The following ZNF780A variants were observed in gnomAD, a reference collection of about 807,000 sequenced individuals.
The protein encoded by ZNF780A is zinc finger protein 780A.
Under a neutral mutation model 56.7 loss-of-function variants are expected in ZNF780A, and 40 were observed. That is an observed-to-expected ratio of 0.71 (90% CI 0.55 to 0.92). The LOEUF (loss-of-function observed/expected upper bound fraction) is 0.92. Ranked by LOEUF, ZNF780A falls within the 40% of genes least tolerant of loss-of-function variation. The pLI is 0.00. For missense variants in ZNF780A, 672 were observed against 783.3 expected (o/e 0.86, Z 1.70); for synonymous variants, 231 against 248.3 (o/e 0.93, Z 0.66).
rs751746111 is a variant in ZNF780A at position 40,075,363 on chromosome 19, G to T, written c.1079C>A (p.Pro360His). ...RHQKIHTGEKPFECRECGKAF... is the reference protein window; with the variant it reads ...RHQKIHTGEKHFECRECGKAF... ...CTTCCCACATTCCCTGCATTCAAAG[G>T]GTTTCTCACCAGTATGAATCTTCTG... is the stretch of plus-strand genomic sequence containing the variant. The change falls in exon 6 of 6, where the codon CCC becomes CAC. Residue 360 changes from proline (P) to histidine (H), a missense_variant. By Grantham distance (77) the Pro-to-His change is moderately conservative. Transcript: ENST00000683561. The T allele has an allele frequency of 3.7e-6, 6 of 1,613,908 alleles. No individual in the cohort carries two copies. Among genetic ancestry groups the T allele is most frequent in the Non-Finnish European group, 5.1e-6 (6 of 1,179,970 alleles).
Position 40,075,287 on chromosome 19 carries a change from A to G in ZNF780A, c.1155T>C (p.Gly385=). The G allele has an allele frequency of 6.2e-7, 1 of 1,613,608 alleles. No homozygotes were observed. The highest frequency in any genetic ancestry group is 1.3e-5 in the African/African-American group (1 of 74,870). ...ATTCCTTACATTCAAACGGTTTTTC[A>G]CCTGTGTGAATGTTCTTATGGCGAT... is the stretch of plus-strand genomic sequence containing the variant. ...QLNRHKNIHT[G]EKPFECKECG... Residue 385 remains glycine, a synonymous_variant, in exon 6 of 6, where the codon GGT becomes GGC. Transcript: ENST00000683561.
rs769103950 is a variant in ZNF780A, at chr19:40,075,095, T to C, written c.1347A>G (p.Glu449=). The C allele has an allele frequency of 3.1e-6, 5 of 1,614,026 alleles. No individual in the cohort carries two copies. The African/African-American group carries it at 4.0e-5, about 13-fold the overall frequency. The change falls in exon 6 of 6, where the codon GAA becomes GAG. Residue 449 remains glutamate, a synonymous_variant. Coordinates refer to ENST00000683561, the MANE Select transcript of ZNF780A (RefSeq NM_001142578.2). ...AATGATATCTAAAGGCCATCTCACA[T>C]TCCCTACATACAAAAGGTTTCTCAT... The part of the protein sequence containing the change: ...HSNEKPFVCR[E]CEMAFRYHCQ...
At chr19:40,084,878 T>C (rs1387317598) in intron 2 of ZNF780A, 80 bp from the exon 3 acceptor site, 13 of 1,479,238 alleles carry the variant, frequency 8.8e-6, no homozygotes, top group African/African-American at 1.4e-5. Context: ...TCCGTTCCTA[T>C]TTCTCAACTA....
Position 40,076,103 on chromosome 19 carries a change from A to T in ZNF780A, c.339T>A (p.Ile113=). The change falls in exon 6 of 6, where the codon ATT becomes ATA. Residue 113 remains isoleucine (I), a synonymous_variant. Coordinates refer to ENST00000683561, the MANE Select transcript of ZNF780A (RefSeq NM_001142578.2). ...VIKQISTTLG[I]EAFYFRNDSE... is the part of the protein sequence containing the mutation. ...AGTCATTTCTAAAATAAAAGGCCTC[A>T]ATGCCAAGAGTTGTACTTATTTGCT... The T allele has an allele frequency of 6.2e-7, 1 of 1,613,836 alleles. No homozygotes were observed. Among genetic ancestry groups the T allele is most frequent in the Non-Finnish European group, 8.5e-7 (1 of 1,179,938 alleles).
chr19:40,086,900 A>G (rs1349745762), intron 2 of ZNF780A, among the ~76,000 whole-genome samples: 3 of 151,994 alleles, frequency 2.0e-5, no homozygotes, highest in Admixed American at 2.0e-4. Flanking sequence ...ACAAGGTTTC[A>G]CCACGTTGGC....
In ZNF780A at chr19:40,076,228, G is replaced by A; in HGVS notation, c.233-19C>T. ...TCCAAATCTGAAAGAAATGAAGAAA[G>A]CAAACCTATTTTATTTTCGTATAAC... is the stretch of plus-strand genomic sequence containing the variant. On this transcript the variant is annotated intron_variant, in intron 5 of 5. Coordinates refer to ENST00000683561, the MANE Select transcript of ZNF780A (RefSeq NM_001142578.2). 6.5e-7 allele frequency: 1 copy of A among 1,529,862 alleles called. No individual in the cohort carries two copies. The highest frequency in any genetic ancestry group is 8.7e-7 in the Non-Finnish European group (1 of 1,145,388). 94.8% of individuals were successfully genotyped at this position (1,529,862 alleles called of 1,614,324 possible). A position where few individuals can be genotyped will look rare whatever the true frequency, so the allele number is the denominator to read the frequency against.
intron 2 of ZNF780A, among the ~76,000 whole-genome samples, chr19:40,089,635 C>G (rs1377978218): frequency 1.3e-5 from 2 of 151,970 alleles, no homozygotes; most frequent in African/African-American, 4.8e-5. Context: ...CACACACACA[C>G]ACACACACTC....
chr19:40,073,579 T>G lies in ZNF780A; in HGVS notation c.*937A>C. On this transcript the variant is annotated 3_prime_UTR_variant, in exon 6 of 6. Coordinates refer to ENST00000683561, the MANE Select transcript of ZNF780A (RefSeq NM_001142578.2). Reference sequence around the variant, plus strand: ...GGGAGTACATTGTGAACATGACAACTACCCTATATTCCTCATTCAAAGACT... The same window carrying G: ...GGGAGTACATTGTGAACATGACAACGACCCTATATTCCTCATTCAAAGACT... 1 of 985,870 alleles carries G rather than the reference T, an allele frequency of 1.0e-6. No individual in the cohort carries two copies. The highest frequency in any genetic ancestry group is 1.2e-6 in the Non-Finnish European group (1 of 830,308). 61.1% of individuals were successfully genotyped at this position (985,870 alleles called of 1,614,324 possible). A position where few individuals can be genotyped will look rare whatever the true frequency, so the allele number is the denominator to read the frequency against.
chr19:40,074,623 G>C lies in ZNF780A; in HGVS notation c.1819C>G (p.His607Asp), dbSNP rs144747313. Residue 607 changes from histidine to aspartate, a missense_variant, in exon 6 of 6, where the codon CAT (histidine) becomes GAT (aspartate). His to Asp is a moderately conservative substitution (Grantham distance 81). Coordinates refer to ENST00000683561, the MANE Select transcript of ZNF780A (RefSeq NM_001142578.2). Reference protein sequence around the residue: ...HMQLIRHQKLHTGEKPFECKE... With the variant: ...HMQLIRHQKLDTGEKPFECKE... ...CATTCAAAGGGTTTCTCACCAGTAT[G>C]CAATTTCTGATGTCGAATAAGTTGC... 9.5e-5 allele frequency: 154 copies of C among 1,613,498 alleles called. 3 individuals carry two copies. The Middle Eastern group carries it at 6.1e-3, about 64-fold the overall frequency.
intron 5 of ZNF780A, among the ~76,000 whole-genome samples, chr19:40,078,807 A>C (rs185019153): frequency 1.3e-5 from 2 of 152,298 alleles, no homozygotes; most frequent in East Asian, 3.9e-4. Context: ...TGCCATTGTG[A>C]AAACACACAA....
Position 40,073,928 on chromosome 19 carries a change from A to T in ZNF780A, c.*588T>A. 1 of 1,030,932 alleles carries T rather than the reference A, an allele frequency of 9.7e-7. No homozygotes were observed. Among genetic ancestry groups the T allele is most frequent in the Non-Finnish European group, 1.2e-6 (1 of 855,698 alleles). The allele number at this position is 1,030,932 out of a possible 1,614,324, so 63.9% of individuals were successfully genotyped here. ...GCAAATGCTTTCCCATATTCCTTAC[A>T]TTATAGCGTTTCTCACCAGTATGAA... On this transcript the variant is annotated 3_prime_UTR_variant, in exon 6 of 6. Transcript: ENST00000683561.
At position 40,084,773 on chromosome 19, in the gene ZNF780A, T is replaced by C. The variant is rs1232639307; in HGVS notation, c.-20A>G. 1.3e-6 allele frequency: 2 copies of C among 1,553,208 alleles called. No homozygotes were observed. Among genetic ancestry groups the C allele is most frequent in the South Asian group, 2.4e-5 (2 of 84,138 alleles). On this transcript the variant is annotated 5_prime_UTR_variant, in exon 3 of 6. Coordinates refer to ENST00000683561, the MANE Select transcript of ZNF780A (RefSeq NM_001142578.2). Reference sequence around the variant, plus strand: ...GACCATGTTGCTAGAATTACAAAACTGGTCAATCTTCCTCGGGCTTCTCCC... The same window carrying C: ...GACCATGTTGCTAGAATTACAAAACCGGTCAATCTTCCTCGGGCTTCTCCC...
At position 40,076,946 on chromosome 19, in the gene ZNF780A, C is replaced by T. The variant is rs144019875; in HGVS notation, c.233-737G>A. Among the ~76,000 whole-genome samples the T allele has an allele frequency of 5.9e-5, 9 of 152,278 alleles. No individual in the cohort carries two copies. In the South Asian group the frequency reaches 6.2e-4, roughly 11 times the overall value. ...CACCTCCAACACTAAGCACTTACTG[C>T]TTGGGAGCCAGAAGGTTGTCCTGTT... On this transcript the variant is annotated intron_variant, in intron 5 of 5. Transcript: ENST00000683561.
At chr19:40,087,782 AAAC>A (rs1171002563) in intron 2 of ZNF780A, among the ~76,000 whole-genome samples, 2 of 152,222 alleles carry the variant, frequency 1.3e-5, no homozygotes, top group Admixed American at 6.5e-5. Context: ...ATAGTAACCA[AAAC>A]AACAAGGTAC....
chr19:40,082,422 T>C (rs114234697), intron 4 of ZNF780A, among the ~76,000 whole-genome samples: 1 of 152,358 alleles, frequency 6.6e-6, no homozygotes, highest in African/African-American at 2.4e-5. Context: ...TAGACATTTA[T>C]AGCTCACTCA....
intron 5 of ZNF780A, among the ~76,000 whole-genome samples, chr19:40,081,238 A>C (rs574192408): frequency 6.6e-6 from 1 of 152,136 alleles, no homozygotes; most frequent in Non-Finnish European, 1.5e-5. Flanking sequence ...TCCAATTAAA[A>C]AGTTGGCAAA....
downstream of ZNF780A, chr19:40,072,358 G>A (rs1056899015): frequency 2.6e-5 from 4 of 153,664 alleles, no homozygotes; most frequent in African/African-American, 9.7e-5. Flanking sequence ...GATTTCCTAG[G>A]CCGATTAAGA....
At chr19:40,084,178 G>T (rs913281801) in intron 3 of ZNF780A, among the ~76,000 whole-genome samples, 1 of 152,008 alleles carries the variant, frequency 6.6e-6, no homozygotes, top group African/African-American at 2.4e-5. Flanking sequence ...CAAAGTGCTG[G>T]GATTGCACGC....
chr19:40,084,857 C>T, intron 2 of ZNF780A, 59 bp from the exon 3 acceptor site: 2 of 1,528,416 alleles, frequency 1.3e-6, no homozygotes, highest in Non-Finnish European at 1.8e-6. Flanking sequence ...AAGCAAATAA[C>T]TATTTTATCC....
Sources: allele counts gnomAD v4.1 joint callset (sites outside exome capture counted in the v4.1 genomes callset), GRCh38; gene constraint gnomAD v4.1.1; transcripts MANE v1.5; gene names NCBI Gene and HGNC (gene_info 2026-07-23, HGNC 2026-07-21).